The following IFI16 variants were observed in gnomAD, a reference collection of about 807,000 sequenced individuals.
The protein encoded by IFI16 is interferon gamma inducible protein 16.
Under a neutral mutation model 68.4 loss-of-function variants are expected in IFI16, and 49 were observed. The ratio of observed to expected loss-of-function variants is 0.72; its 90% CI spans 0.57 to 0.91. IFI16 has a LOEUF of 0.91. Among genes scored for constraint, IFI16 ranks in the 40% least tolerant of loss-of-function variants. IFI16 has a pLI of 0.00. For synonymous variants in IFI16, 307 were observed against 315.0 expected (o/e 0.97, Z 0.27); for missense variants, 878 against 942.9 (o/e 0.93, Z 0.90).
intron 6 of IFI16, among the ~76,000 whole-genome samples, chr1:159,021,794 C>G (rs1653334268): frequency 6.6e-6 from 1 of 152,134 alleles, no homozygotes; most frequent in Non-Finnish European, 1.5e-5. Context: ...TATGGCCATT[C>G]TTGCACGAGT....
chr1:159,051,649 G>C (rs950761508), intron 9 of IFI16, 30 bp from the exon 10 acceptor site: 2 of 1,565,492 alleles, frequency 1.3e-6, no homozygotes, highest in African/African-American at 2.7e-5. Context: ...TGTTTTAATT[G>C]TGCCTATGTT....
At chr1:159,046,182 A>G (rs2101913001) in intron 8 of IFI16, among the ~76,000 whole-genome samples, 1 of 151,376 alleles carries the variant, frequency 6.6e-6, no homozygotes, top group African/African-American at 2.4e-5. Flanking sequence ...CTGTGAATTT[A>G]CAATGAACAT....
At chr1:159,006,852 C>A (rs1437269528), upstream of IFI16, among the ~76,000 whole-genome samples, 1 of 152,096 alleles carries the variant, frequency 6.6e-6, no homozygotes, top group Non-Finnish European at 1.5e-5. Flanking sequence ...AAGACCAAGG[C>A]GATAGGTATT....
intron 1 of IFI16, among the ~76,000 whole-genome samples, chr1:159,012,392 A>G (rs1652621676): frequency 6.6e-6 from 1 of 152,224 alleles, no homozygotes; most frequent in South Asian, 2.1e-4. Context: ...ATAGTGTCTT[A>G]CTAGAAACTC....
At chr1:159,034,004 C>T (rs1459114611) in intron 7 of IFI16, among the ~76,000 whole-genome samples, 1 of 152,002 alleles carries the variant, frequency 6.6e-6, no homozygotes, top group African/African-American at 2.4e-5. Flanking sequence ...ACTTCCTTGC[C>T]CTTGGTAAAG....
At chr1:159,042,408 C>A (rs1265857776) in intron 7 of IFI16, among the ~76,000 whole-genome samples, 4 of 152,094 alleles carry the variant, frequency 2.6e-5, no homozygotes, top group African/African-American at 9.7e-5. Context: ...CCAATGTGTT[C>A]ATCCTCTATA....
At chr1:159,032,068 G>A (rs1654031875) in intron 6 of IFI16, among the ~76,000 whole-genome samples, 1 of 152,188 alleles carries the variant, frequency 6.6e-6, no homozygotes, top group Non-Finnish European at 1.5e-5. Context: ...AAATCAATGT[G>A]CAATAGGTCC....
intron 6 of IFI16, among the ~76,000 whole-genome samples, chr1:159,028,021 G>T (rs1320496505): frequency 1.3e-5 from 2 of 151,954 alleles, no homozygotes; most frequent in Admixed American, 1.3e-4. Context: ...ATTTAGTTCT[G>T]CTTTGATCTT....
At chr1:159,030,206 C>T (rs2157695) in intron 6 of IFI16, among the ~76,000 whole-genome samples, 42,841 of 151,754 alleles carry the variant, frequency 0.28, 8,128 homozygotes, top group African/African-American at 0.54. Flanking sequence ...TATCCTGTAA[C>T]ATTTTTTAAA....
intron 7 of IFI16, among the ~76,000 whole-genome samples, chr1:159,040,639 T>C (rs1235549741): frequency 6.6e-6 from 1 of 152,188 alleles, no homozygotes; most frequent in Non-Finnish European, 1.5e-5. Flanking sequence ...GGGGTATCCA[T>C]CAACAGAGTC....
chr1:159,042,490 C>A (rs1031997807), intron 7 of IFI16, among the ~76,000 whole-genome samples: 1 of 152,178 alleles, frequency 6.6e-6, no homozygotes, highest in African/African-American at 2.4e-5. Flanking sequence ...CGTATCCATG[C>A]TCTTAACCAC....
At chr1:159,012,896 G>A (rs1652660167) in intron 1 of IFI16, among the ~76,000 whole-genome samples, 1 of 151,944 alleles carries the variant, frequency 6.6e-6, no homozygotes, top group Non-Finnish European at 1.5e-5. Context: ...AATTTTTTTT[G>A]GTTTTGCAAT....
In IFI16 at chr1:159,015,886, C is replaced by G. The variant is rs1652889161; in HGVS notation, c.280C>G (p.Leu94Val). The change falls in exon 3 of 12, where the codon CTA (leucine) becomes GTA (valine). Residue 94 changes from leucine to valine, a missense_variant. Around this residue, in one of 4 missense-constraint regions of IFI16, gnomAD observed 443 missense variants for 421.8 expected, o/e 1.05. Coordinates refer to ENST00000295809, the MANE Select transcript of IFI16 (RefSeq NM_001376587.1). ...KEKLKVKGPA[L>V]SRKRKKEVDA... is the part of the protein sequence containing the mutation. Reference sequence around the variant, plus strand: ...ATCTATTCCAGTAAAAGGACCAGCCCTATCAAGAAAGAGGAAGAAGGAAGT... The same window carrying G: ...ATCTATTCCAGTAAAAGGACCAGCCGTATCAAGAAAGAGGAAGAAGGAAGT... 1.2e-6 allele frequency: 2 copies of G among 1,612,912 alleles called. No homozygotes were observed. Among genetic ancestry groups the G allele is most frequent in the East Asian group, 4.5e-5 (2 of 44,874 alleles).
intron 8 of IFI16, among the ~76,000 whole-genome samples, chr1:159,045,801 ATTCT>A (rs1272364858): frequency 6.6e-6 from 1 of 151,204 alleles, no homozygotes. Flanking sequence ...ACTATCACTG[ATTCT>A]TTCTCTTTCA....
At chr1:159,051,004 G>T (rs1343944016) in intron 9 of IFI16, among the ~76,000 whole-genome samples, 4 of 152,114 alleles carry the variant, frequency 2.6e-5, no homozygotes, top group African/African-American at 7.2e-5. Context: ...AAGGTTTGTG[G>T]TTGAGACTAT....
chr1:159,011,456 C>T (rs956669553), intron 1 of IFI16, among the ~76,000 whole-genome samples: 2 of 151,774 alleles, frequency 1.3e-5, no homozygotes, highest in African/African-American at 4.8e-5. Context: ...ATATAATATA[C>T]ATTCACACAC....
upstream of IFI16, among the ~76,000 whole-genome samples, chr1:159,005,803 C>T (rs1571819073): frequency 2.0e-5 from 3 of 152,298 alleles, no homozygotes; most frequent in South Asian, 4.1e-4. Flanking sequence ...CATCCTCCCA[C>T]TCCTTAGCAA....
upstream of IFI16, among the ~76,000 whole-genome samples, chr1:159,001,089 C>T (rs532882243): frequency 3.3e-5 from 5 of 152,254 alleles, no homozygotes; most frequent in South Asian, 2.1e-4. Context: ...AAACATAATA[C>T]TTCCAAATCC....
chr1:159,048,661 A>T lies in IFI16; in HGVS notation c.1498-771A>T, dbSNP rs952946652. ...CCTCTCTATCAACAATTGCCACTTA[A>T]AAAATTAGGTTACTGAATGGCAAAA... On this transcript the variant is annotated intron_variant, in intron 8 of 11. Coordinates refer to ENST00000295809, the MANE Select transcript of IFI16 (RefSeq NM_001376587.1). Among the ~76,000 whole-genome samples, 101 of 151,620 alleles carry T rather than the reference A, an allele frequency of 6.7e-4. 4 individuals carry two copies. The highest frequency in any genetic ancestry group is 1.3e-3 in the Non-Finnish European group (87 of 67,712).
Sources: allele counts gnomAD v4.1 joint callset (sites outside exome capture counted in the v4.1 genomes callset), GRCh38; gene constraint gnomAD v4.1.1; regional missense constraint gnomAD v4.1.1; transcripts MANE v1.5; gene names NCBI Gene and HGNC (gene_info 2026-07-23, HGNC 2026-07-21).